Variants in CCDC125 observed in about 807,000 individuals in gnomAD.
The protein encoded by CCDC125 is coiled-coil domain-containing protein 125.
In CCDC125, 43 loss-of-function variants were observed where a neutral mutation model predicts 57.4. The ratio of observed to expected loss-of-function variants is 0.75; its 90% CI spans 0.59 to 0.97. The LOEUF (loss-of-function observed/expected upper bound fraction) is 0.97. CCDC125 is among the 50% of genes least tolerant of loss of function. The pLI is 0.00. For missense variants in CCDC125, 563 were observed against 595.7 expected (o/e 0.95, Z 0.57); for synonymous variants, 187 against 195.2 (o/e 0.96, Z 0.35).
At chr5:69,331,381 C>T (rs1306833190) in intron 1 of CCDC125, among the ~76,000 whole-genome samples, 1 of 151,590 alleles carries the variant, frequency 6.6e-6, no homozygotes, top group African/African-American at 2.4e-5. Flanking sequence ...TACAGGCGCC[C>T]ACCACCATGC....
intron 10 of CCDC125, among the ~76,000 whole-genome samples, chr5:69,286,168 A>G (rs1377101378): frequency 5.1e-5 from 7 of 136,944 alleles, no homozygotes; most frequent in African/African-American, 1.6e-4. Context: ...ATACCACTTA[A>G]AAACAGTTCA....
In CCDC125 at chr5:69,306,849, AT is replaced by A. The variant is rs1274086387; in HGVS notation, c.584del (p.Asn195IlefsTer2). The A allele has an allele frequency of 3.3e-5, 50 of 1,516,320 alleles. No homozygotes were observed. Among genetic ancestry groups the A allele is most frequent in the Non-Finnish European group, 4.2e-5 (48 of 1,136,580 alleles). The allele number at this position is 1,516,320 out of a possible 1,614,324, so 93.9% of individuals were successfully genotyped here. Reference sequence around the variant, plus strand: ...ATTTTTGGATCCAAGATTCCTCTATATTTTTAAATCTATTATGATCAAATTC... The same window carrying A: ...ATTTTTGGATCCAAGATTCCTCTATATTTTAAATCTATTATGATCAAATTC... ...EIEFDHNRFK[N>X]IEESWIQKYD... is the part of the protein sequence containing the mutation. On this transcript the variant is annotated frameshift_variant, in exon 6 of 12. Transcript: ENST00000396496. LOFTEE classifies it high-confidence loss of function.
rs70992918 is a variant in CCDC125 at position 69,302,420 on chromosome 5, C to CAAA, written c.700+1424_700+1426dup. ...TGGGCAACAGAGTGAGACTCCATCT[C>CAAA]AAAAAAAAAAAAAAAAAAAAAAAGG... On this transcript the variant is annotated intron_variant, in intron 7 of 11. Transcript: ENST00000396496. Among the ~76,000 whole-genome samples, 23 of 30,682 alleles carry CAAA rather than the reference C, an allele frequency of 7.5e-4. 1 individual carries two copies. Among genetic ancestry groups the CAAA allele is most frequent in the East Asian group, 3.4e-3 (3 of 870 alleles). 20.1% of individuals were successfully genotyped at this position (30,682 alleles called of 152,430 possible).
intron 1 of CCDC125, among the ~76,000 whole-genome samples, chr5:69,322,664 G>C (rs1380355479): frequency 6.6e-6 from 1 of 151,870 alleles, no homozygotes; most frequent in Non-Finnish European, 1.5e-5. Context: ...CTGGATTCAA[G>C]CAATTCTCCT....
intron 10 of CCDC125, among the ~76,000 whole-genome samples, chr5:69,286,383 C>T (rs867525316): frequency 1.7e-4 from 26 of 151,288 alleles, no homozygotes; most frequent in Admixed American, 6.6e-4. Flanking sequence ...AGGCGCCCGC[C>T]ACCACGTCCG....
At chr5:69,314,134 CA>C (rs1758615554) in intron 2 of CCDC125, 88 bp from the exon 3 acceptor site, 3 of 900,860 alleles carry the variant, frequency 3.3e-6, no homozygotes, top group Non-Finnish European at 5.4e-6. Flanking sequence ...TACAAATTAC[CA>C]AATACAGGTA....
At chr5:69,279,398 G>A (rs1047939613), downstream of CCDC125, among the ~76,000 whole-genome samples, 11 of 152,000 alleles carry the variant, frequency 7.2e-5, no homozygotes, top group East Asian at 1.9e-4. Flanking sequence ...GGGTTTCACT[G>A]TGTTAGCCAG....
At chr5:69,290,740 C>G (rs1466028438) in intron 10 of CCDC125, among the ~76,000 whole-genome samples, 1 of 150,880 alleles carries the variant, frequency 6.6e-6, no homozygotes, top group Non-Finnish European at 1.5e-5. Context: ...AGCAATTCTC[C>G]TGCCTCAGCC....
intron 8 of CCDC125, 118 bp downstream of exon 8, chr5:69,299,894 T>G: frequency 1.2e-6 from 1 of 814,820 alleles, no homozygotes; most frequent in East Asian, 2.4e-5. Context: ...CGTCTCTCAC[T>G]CCCATCCTCA....
downstream of CCDC125, among the ~76,000 whole-genome samples, chr5:69,279,816 C>T (rs577197826): frequency 7.3e-5 from 11 of 150,734 alleles, no homozygotes; most frequent in South Asian, 1.5e-3. Flanking sequence ...TGTATTATTC[C>T]GTTCTCAAAC....
chr5:69,283,825 T>C (rs1204281432), intron 11 of CCDC125, among the ~76,000 whole-genome samples: 1 of 149,168 alleles, frequency 6.7e-6, no homozygotes, highest in Non-Finnish European at 1.5e-5. Context: ...AGTCTCGCTC[T>C]GTCACCCAGG....
At chr5:69,297,417 T>C (rs1329738797) in intron 8 of CCDC125, among the ~76,000 whole-genome samples, 1 of 151,908 alleles carries the variant, frequency 6.6e-6, no homozygotes, top group Non-Finnish European at 1.5e-5. Context: ...TAGAGTGCAA[T>C]GGCGAGATCA....
chr5:69,309,578 C>T (rs1210334470), intron 4 of CCDC125: 1 of 152,254 alleles, frequency 6.6e-6, no homozygotes, highest in Non-Finnish European at 1.5e-5. Context: ...GCAGAAGTTT[C>T]CTGCAGGGAT....
chr5:69,306,395 C>T (rs992273928), intron 6 of CCDC125, among the ~76,000 whole-genome samples: 2 of 152,194 alleles, frequency 1.3e-5, no homozygotes, highest in African/African-American at 4.8e-5. Flanking sequence ...GTGGCGCAAT[C>T]ATGGCTCACT....
intron 5 of CCDC125, chr5:69,307,524 TA>T (rs1365874425): frequency 6.1e-6 from 1 of 164,094 alleles, no homozygotes; most frequent in Non-Finnish European, 1.3e-5. Flanking sequence ...CTACTAAAAA[TA>T]CAAAAAATTG....
chr5:69,286,422 T>C (rs945977658), intron 10 of CCDC125, among the ~76,000 whole-genome samples: 16 of 150,910 alleles, frequency 1.1e-4, no homozygotes, highest in African/African-American at 2.2e-4. Context: ...TTAGTAGAGA[T>C]GGGGTTTCAC....
At position 69,320,270 on chromosome 5, in the gene CCDC125, T is replaced by C. The variant is rs1759814261; in HGVS notation, c.271A>G (p.Arg91Gly). 6.2e-7 allele frequency: 1 copy of C among 1,613,852 alleles called. No homozygotes were observed. The highest frequency in any genetic ancestry group is 8.5e-7 in the Non-Finnish European group (1 of 1,179,934). ...SQQDTFPQVS[R>G]ISNYRRQSST... is the part of the protein sequence containing the mutation. ...CTTTGTCGTCTGTAATTGGAAATTC[T>C]GGACACTTGAGGGAATGTATCTTGC... Residue 91 changes from arginine to glycine, a missense_variant, in exon 2 of 12, where the codon AGA becomes GGA. Coordinates refer to ENST00000396496, the MANE Select transcript of CCDC125 (RefSeq NM_176816.5).
At chr5:69,326,042 G>C (rs561390981) in intron 1 of CCDC125, among the ~76,000 whole-genome samples, 3 of 151,866 alleles carry the variant, frequency 2.0e-5, no homozygotes, top group African/African-American at 7.3e-5. Context: ...ACAGGGTCTC[G>C]GGCCAGCCAG....
chr5:69,319,370 A>T (rs1448411102), intron 2 of CCDC125, among the ~76,000 whole-genome samples: 5 of 152,204 alleles, frequency 3.3e-5, no homozygotes, highest in East Asian at 3.8e-4. Flanking sequence ...TTGACTGCAA[A>T]AAAAAGTACT....
Sources: allele counts gnomAD v4.1 joint callset (sites outside exome capture counted in the v4.1 genomes callset), GRCh38; gene constraint gnomAD v4.1.1; transcripts MANE v1.5; gene names NCBI Gene and HGNC (gene_info 2026-07-23, HGNC 2026-07-21).